Variants in PCDH9 observed in about 807,000 individuals in gnomAD.
PCDH9 encodes protocadherin-9.
A neutral mutation model predicts 70.6 loss-of-function variants in PCDH9; 24 were observed. The observed-to-expected ratio is 0.34, with a 90% confidence interval of 0.25 to 0.48. The LOEUF is 0.48. Ranked by LOEUF, PCDH9 falls within the 20% of genes least tolerant of loss-of-function variation. PCDH9 has a pLI of 0.99. For synonymous variants in PCDH9, 562 were observed against 558.5 expected (o/e 1.01, Z -0.09); for missense variants, 1,281 against 1,503.6 (o/e 0.85, Z 2.45).
intron 2 of PCDH9, among the ~76,000 whole-genome samples, chr13:66,946,348 C>T (rs1456906889): frequency 6.6e-6 from 1 of 151,992 alleles, no homozygotes; most frequent in Non-Finnish European, 1.5e-5. Context: ...TTTATGAGCA[C>T]ATATAGCATC....
At chr13:67,104,688 A>G (rs770663122) in intron 2 of PCDH9, among the ~76,000 whole-genome samples, 2 of 151,994 alleles carry the variant, frequency 1.3e-5, no homozygotes, top group African/African-American at 2.4e-5. Context: ...AGCTGGGACT[A>G]CAAGCGCCCA....
At chr13:66,616,152 G>A (rs903944217) in intron 4 of PCDH9, among the ~76,000 whole-genome samples, 1 of 152,128 alleles carries the variant, frequency 6.6e-6, no homozygotes, top group African/African-American at 2.4e-5. Flanking sequence ...TGACAGTCTA[G>A]GAGCTCTAAG....
In PCDH9 at chr13:67,226,347, T is replaced by C; in HGVS notation, c.2094A>G (p.Ala698=). ...TGTCAACATCCACTGCAAAAACTTC[T>C]GCTACCACGGAGCCAGGAATGGCTG... The part of the protein sequence containing the change: ...PLSAIPGSVV[A]EVFAVDVDTG... The change falls in exon 2 of 5, where the codon GCA becomes GCG. Residue 698 remains alanine, a synonymous_variant. Transcript: ENST00000377865. The surrounding 1 kb of genome is among the most constrained non-coding windows in gnomAD (Gnocchi z 5.0). The C allele has an allele frequency of 6.2e-7, 1 of 1,614,208 alleles. No individual in the cohort carries two copies. Among genetic ancestry groups the C allele is most frequent in the Non-Finnish European group, 8.5e-7 (1 of 1,180,038 alleles).
intron 3 of PCDH9, among the ~76,000 whole-genome samples, chr13:66,822,494 ATTTTTTT>A (rs57689980): frequency 8.5e-6 from 1 of 118,160 alleles, no homozygotes; most frequent in Non-Finnish European, 1.7e-5. Context: ...ATGTCCTGGA[ATTTTTTT>A]TTTTTTTTTT....
At position 67,064,389 on chromosome 13, in the gene PCDH9, T is replaced by C. The variant is rs568091155; in HGVS notation, c.3037-160784A>G. ...CAGCCTGCGTACCAGTGCAAGAGCC[T>C]AAAATATTTTCTAGATTTAATATAA... On this transcript the variant is annotated intron_variant, in intron 2 of 4. Coordinates refer to ENST00000377865, the MANE Select transcript of PCDH9 (RefSeq NM_203487.3). 2.0e-5 allele frequency among the ~76,000 whole-genome samples: 3 copies of C among 152,266 alleles called. No individual in the cohort carries two copies. The South Asian group carries it at 6.2e-4, about 32-fold the overall frequency.
chr13:66,660,392 A>G (rs1014604575), intron 3 of PCDH9, among the ~76,000 whole-genome samples: 3 of 152,110 alleles, frequency 2.0e-5, no homozygotes, highest in Non-Finnish European at 4.4e-5. Flanking sequence ...GCAGTAGATA[A>G]GGTCTCCTGA....
intron 4 of PCDH9, among the ~76,000 whole-genome samples, chr13:66,573,498 T>G (rs1250583432): frequency 6.6e-6 from 1 of 152,174 alleles, no homozygotes; most frequent in African/African-American, 2.4e-5. Context: ...TAATTTTGCC[T>G]GAACCTCCTA....
chr13:66,310,599 C>A (rs1955544817), intron 4 of PCDH9, among the ~76,000 whole-genome samples: 1 of 151,968 alleles, frequency 6.6e-6, no homozygotes, highest in South Asian at 2.1e-4. Flanking sequence ...TAGAAACTGG[C>A]ATTTCTTTAA....
At chr13:67,104,629 A>T (rs1752651353) in intron 2 of PCDH9, among the ~76,000 whole-genome samples, 1 of 152,066 alleles carries the variant, frequency 6.6e-6, no homozygotes, top group Admixed American at 6.5e-5. Flanking sequence ...GCTCACTGCA[A>T]GCTCTGCCTC....
At chr13:66,503,217 C>A (rs578249322) in intron 4 of PCDH9, among the ~76,000 whole-genome samples, 2 of 152,120 alleles carry the variant, frequency 1.3e-5, no homozygotes, top group Admixed American at 1.3e-4. Context: ...CATTCTTAAG[C>A]GATAGAATAA....
At chr13:66,406,379 T>G (rs548726406) in intron 4 of PCDH9, among the ~76,000 whole-genome samples, 2 of 152,308 alleles carry the variant, frequency 1.3e-5, no homozygotes, top group African/African-American at 4.8e-5. Context: ...ATATTTGTGA[T>G]GCACACAGTC....
At chr13:66,744,063 T>A (rs889823287) in intron 3 of PCDH9, among the ~76,000 whole-genome samples, 1 of 152,138 alleles carries the variant, frequency 6.6e-6, no homozygotes, top group Non-Finnish European at 1.5e-5. Context: ...TTACTTGTAT[T>A]ATTCATGTGC....
chr13:67,120,268 T>C (rs2086852245), intron 2 of PCDH9, among the ~76,000 whole-genome samples: 1 of 151,616 alleles, frequency 6.6e-6, no homozygotes, highest in Admixed American at 6.6e-5. Context: ...AAAAGTCACT[T>C]AGATCTGCAT....
At chr13:66,919,355 C>T (rs2082604480) in intron 2 of PCDH9, among the ~76,000 whole-genome samples, 2 of 151,238 alleles carry the variant, frequency 1.3e-5, no homozygotes, top group East Asian at 1.9e-4. Flanking sequence ...TTACTCAATC[C>T]TCTTTCCCCT....
chr13:66,345,235 A>G lies in PCDH9; in HGVS notation c.3341-40207T>C, dbSNP rs138715510. Among the ~76,000 whole-genome samples the G allele has an allele frequency of 2.8e-4, 42 of 152,224 alleles. 1 individual carries two copies. Among genetic ancestry groups the G allele is most frequent in the African/African-American group, 8.9e-4 (37 of 41,552 alleles). ...GCCTATTTAGGAATACAATTTTTTGACTGCTTTATTTCTCTCAGATGATAT... is the reference window on the plus strand; with the variant it reads ...GCCTATTTAGGAATACAATTTTTTGGCTGCTTTATTTCTCTCAGATGATAT... On this transcript the variant is annotated intron_variant, in intron 4 of 4. Coordinates refer to ENST00000377865, the MANE Select transcript of PCDH9 (RefSeq NM_203487.3).
At chr13:67,005,677 T>C (rs2084336309) in intron 2 of PCDH9, among the ~76,000 whole-genome samples, 1 of 152,208 alleles carries the variant, frequency 6.6e-6, no homozygotes, top group South Asian at 2.1e-4. Flanking sequence ...TTTAAATATC[T>C]TCCACAAATA....
intron 3 of PCDH9, among the ~76,000 whole-genome samples, chr13:66,816,824 A>T (rs2080613517): frequency 6.6e-6 from 1 of 151,124 alleles, no homozygotes; most frequent in African/African-American, 2.4e-5. Context: ...GATTGAAATT[A>T]TGTTAAAAGA....
At chr13:66,871,135 A>G (rs914937446) in intron 3 of PCDH9, among the ~76,000 whole-genome samples, 50 of 151,758 alleles carry the variant, frequency 3.3e-4, no homozygotes, top group Non-Finnish European at 6.6e-4. Context: ...AACTATCGCA[A>G]GAACAAAAAA....
chr13:66,680,507 C>A (rs1429377805), intron 3 of PCDH9, among the ~76,000 whole-genome samples: 1 of 151,916 alleles, frequency 6.6e-6, no homozygotes, highest in Non-Finnish European at 1.5e-5. Context: ...TATCCATTGA[C>A]TCTGTAATTT....
Sources: gnomAD v4.1 joint callset for allele counts (sites outside exome capture counted in the v4.1 genomes callset) on GRCh38, gnomAD v4.1.1 for gene constraint, Gnocchi (gnomAD v3.1) non-coding constraint, MANE v1.5 for transcripts, NCBI Gene and HGNC (gene_info 2026-07-23, HGNC 2026-07-21) for gene names.